Variants in PDE4B observed in about 807,000 individuals in gnomAD.
PDE4B encodes 3',5'-cyclic-AMP phosphodiesterase 4B.
A neutral mutation model predicts 82.2 loss-of-function variants in PDE4B; 20 were observed. That is an observed-to-expected ratio of 0.24 (90% CI 0.17 to 0.35). The LOEUF (loss-of-function observed/expected upper bound fraction) is 0.35, where lower values mean the gene tolerates loss of function less well. PDE4B is among the 10% of genes least tolerant of loss of function. PDE4B has a pLI of 1.00. For synonymous variants in PDE4B, 320 were observed against 318.9 expected, an observed-to-expected ratio of 1.00 and a Z score of -0.04; for missense variants, 655 against 907.2, an observed-to-expected ratio of 0.72 and a Z score of 3.57.
At chr1:65,819,632 T>C (rs1388173962) in intron 1 of PDE4B, among the ~76,000 whole-genome samples, 1 of 151,782 alleles carries the variant, frequency 6.6e-6, no homozygotes, top group African/African-American at 2.4e-5. Flanking sequence ...CTTGAGTAGC[T>C]GGGACTATAG....
chr1:65,942,362 C>CT (rs569955970), intron 3 of PDE4B, among the ~76,000 whole-genome samples: 36 of 149,490 alleles, frequency 2.4e-4, no homozygotes, highest in South Asian at 4.2e-4. Context: ...GAAATTCCTT[C>CT]TTTTTTTTTT....
intron 3 of PDE4B, among the ~76,000 whole-genome samples, chr1:66,159,562 G>A (rs1247659281): frequency 6.6e-6 from 1 of 152,102 alleles, no homozygotes; most frequent in South Asian, 2.1e-4. Flanking sequence ...TTTTTAAAAA[G>A]GAGAGAAAAT....
chr1:66,253,449 A>ACTG (rs1305845819), intron 4 of PDE4B, among the ~76,000 whole-genome samples: 1 of 152,170 alleles, frequency 6.6e-6, no homozygotes, highest in Non-Finnish European at 1.5e-5. Context: ...CAGTACTAAG[A>ACTG]CTGGAGTGCT....
At chr1:65,914,377 T>A in intron 2 of PDE4B, among the ~76,000 whole-genome samples, 1 of 152,284 alleles carries the variant, frequency 6.6e-6, no homozygotes, top group East Asian at 1.9e-4. Context: ...AATACACTCC[T>A]TTTCCATTGC....
intron 1 of PDE4B, among the ~76,000 whole-genome samples, chr1:65,832,865 T>A (rs891228524): frequency 1.3e-5 from 2 of 152,218 alleles, no homozygotes; most frequent in Non-Finnish European, 2.9e-5. Flanking sequence ...TAGGTGGGTA[T>A]AAATAGTATA....
At chr1:66,003,445 A>G (rs747935153) in intron 3 of PDE4B, among the ~76,000 whole-genome samples, 1 of 152,210 alleles carries the variant, frequency 6.6e-6, no homozygotes, top group African/African-American at 2.4e-5. Context: ...TAAGCTTAAA[A>G]GTAACAAGAC....
chr1:65,975,668 G>A (rs1369272025), intron 3 of PDE4B, among the ~76,000 whole-genome samples: 2 of 152,172 alleles, frequency 1.3e-5, no homozygotes, highest in Admixed American at 1.3e-4. Context: ...GTTGCTGTCT[G>A]TAGCCTTGGA....
intron 7 of PDE4B, among the ~76,000 whole-genome samples, chr1:66,322,562 G>C (rs1164921097): frequency 6.6e-6 from 1 of 152,038 alleles, no homozygotes; most frequent in African/African-American, 2.4e-5. Context: ...ATGAATAAAT[G>C]CTCATCATCC....
At chr1:66,041,159 C>T (rs897969612) in intron 3 of PDE4B, among the ~76,000 whole-genome samples, 4 of 151,850 alleles carry the variant, frequency 2.6e-5, no homozygotes, top group Admixed American at 6.6e-5. Flanking sequence ...GGCAAACATG[C>T]TAAGCAAAGT....
intron 3 of PDE4B, among the ~76,000 whole-genome samples, chr1:65,979,983 TGAG>T (rs1184881334): frequency 6.6e-6 from 1 of 152,114 alleles, no homozygotes; most frequent in Non-Finnish European, 1.5e-5. Flanking sequence ...ACAGACTTTC[TGAG>T]GAGAAGACGT....
chr1:65,795,464 G>A (rs1645621264), intron 1 of PDE4B, among the ~76,000 whole-genome samples: 1 of 152,232 alleles, frequency 6.6e-6, no homozygotes, highest in Admixed American at 6.5e-5. Flanking sequence ...GCCACCATGT[G>A]GTAATACAGT....
chr1:66,347,880 G>A (rs11208837), intron 8 of PDE4B, among the ~76,000 whole-genome samples: 4,435 of 152,226 alleles, frequency 0.029, 129 homozygotes, highest in South Asian at 0.083. Context: ...GACTGAAAAT[G>A]GAATTAACTT....
chr1:65,994,946 G>A (rs1322129584), intron 3 of PDE4B, among the ~76,000 whole-genome samples: 2 of 152,078 alleles, frequency 1.3e-5, no homozygotes, highest in East Asian at 3.9e-4. Context: ...TGATTAAAGA[G>A]CTAGTTTTAC....
At chr1:66,216,093 C>T (rs902715997) in intron 3 of PDE4B, among the ~76,000 whole-genome samples, 1 of 151,938 alleles carries the variant, frequency 6.6e-6, no homozygotes, top group Admixed American at 6.6e-5. Flanking sequence ...ATTGACTGGA[C>T]CACTGGGTGC....
At chr1:66,034,764 G>A (rs1042644024) in intron 3 of PDE4B, among the ~76,000 whole-genome samples, 1 of 152,146 alleles carries the variant, frequency 6.6e-6, no homozygotes, top group Non-Finnish European at 1.5e-5. Context: ...GTGACCATAT[G>A]TTCTTTTTAT....
At chr1:65,836,620 T>C (rs959788908) in intron 1 of PDE4B, among the ~76,000 whole-genome samples, 1 of 152,224 alleles carries the variant, frequency 6.6e-6, no homozygotes, top group African/African-American at 2.4e-5. Flanking sequence ...TGACAGCTTT[T>C]TTTTTCCAAC....
At chr1:66,245,304 C>T (rs1171706546) in intron 3 of PDE4B, among the ~76,000 whole-genome samples, 1 of 152,192 alleles carries the variant, frequency 6.6e-6, no homozygotes, top group South Asian at 2.1e-4. Flanking sequence ...TGCACAGATA[C>T]ATACCAGATG....
At chr1:66,306,557 C>T (rs1272066766) in intron 7 of PDE4B, among the ~76,000 whole-genome samples, 3 of 152,052 alleles carry the variant, frequency 2.0e-5, no homozygotes, top group South Asian at 2.1e-4. Flanking sequence ...TTTAAATCAA[C>T]GTGACTGGGA....
chr1:66,236,850 C>A (rs558486140), intron 3 of PDE4B, among the ~76,000 whole-genome samples: 1 of 152,258 alleles, frequency 6.6e-6, no homozygotes, highest in East Asian at 1.9e-4. Flanking sequence ...TGGATCCAAC[C>A]AAACTGGTTT....
Sources: allele counts gnomAD v4.1 joint callset (sites outside exome capture counted in the v4.1 genomes callset), GRCh38; gene constraint gnomAD v4.1.1; transcripts MANE v1.5; gene names NCBI Gene and HGNC (gene_info 2026-07-23, HGNC 2026-07-21).